R3HDM1: variants seen among roughly 807,000 people sequenced by gnomAD.
R3HDM1 encodes R3H domain-containing protein 1.
A neutral mutation model predicts 141.1 loss-of-function variants in R3HDM1; 46 were observed. The observed-to-expected ratio is 0.33, with a 90% CI of 0.26 to 0.42. The LOEUF (loss-of-function observed/expected upper bound fraction) is 0.42. Ranked by LOEUF, R3HDM1 falls within the 10% of genes least tolerant of loss-of-function variation. R3HDM1 has a pLI of 1.00. For synonymous variants in R3HDM1, 435 were observed against 472.9 expected, an observed-to-expected ratio of 0.92 and a Z score of 1.04; for missense variants, 1,184 against 1,368.3, an observed-to-expected ratio of 0.87 and a Z score of 2.12.
At chr2:135,589,426 G>A (rs1341168138) in intron 1 of R3HDM1, among the ~76,000 whole-genome samples, 2 of 152,152 alleles carry the variant, frequency 1.3e-5, no homozygotes, top group East Asian at 3.8e-4. Context: ...CCCTCTGGTT[G>A]TAGGGGACAA....
chr2:135,559,960 A>G (rs1701491585), intron 1 of R3HDM1, among the ~76,000 whole-genome samples: 3 of 152,246 alleles, frequency 2.0e-5, no homozygotes, highest in Admixed American at 6.5e-5. Flanking sequence ...TTTCACTATC[A>G]TCATGTATAA....
intron 19 of R3HDM1, among the ~76,000 whole-genome samples, chr2:135,663,197 G>A (rs2066983239): frequency 6.6e-6 from 1 of 151,584 alleles, no homozygotes; most frequent in African/African-American, 2.4e-5. Flanking sequence ...CCTGATTGGA[G>A]GTGAAAACAT....
chr2:135,621,160 C>A (rs1559264553), intron 5 of R3HDM1, among the ~76,000 whole-genome samples: 2 of 151,930 alleles, frequency 1.3e-5, no homozygotes, highest in Admixed American at 6.6e-5. Flanking sequence ...ATCTTCCTTG[C>A]AAAAATAAGT....
chr2:135,623,371 A>G (rs2061683046), intron 7 of R3HDM1, among the ~76,000 whole-genome samples: 1 of 152,160 alleles, frequency 6.6e-6, no homozygotes, highest in Non-Finnish European at 1.5e-5. Context: ...AGCTTTCCAG[A>G]GTAGTAGCTT....
At chr2:135,659,529 C>G (rs375365474) in intron 18 of R3HDM1, among the ~76,000 whole-genome samples, 8 of 152,092 alleles carry the variant, frequency 5.3e-5, no homozygotes, top group East Asian at 3.9e-4. Flanking sequence ...CTGTGACCTC[C>G]TGGGTTCAAG....
rs1559465401 is a variant in R3HDM1 at position 135,699,020 on chromosome 2, TAGATAGATAGATAGATAGATA to T, written c.2460-10412_2460-10392del. 2.2e-4 allele frequency among the ~76,000 whole-genome samples: 26 copies of T among 119,032 alleles called. No individual in the cohort carries two copies. In the East Asian group the frequency reaches 5.1e-3, roughly 23 times the overall value. The allele number at this position is 119,032 out of a possible 152,430, so 78.1% of individuals were successfully genotyped here. A position where few individuals can be genotyped will look rare whatever the true frequency, so the allele number is the denominator to read the frequency against. On this transcript the variant is annotated intron_variant, in intron 21 of 26. Transcript: ENST00000683871. The stretch of plus-strand genomic sequence containing the variant: ...ATAGATAGATAGATAGATAGATAGA[TAGATAGATAGATAGATAGATA>T]GATAAGATAGATAAGATAGATTGAT...
At chr2:135,639,604 C>T (rs925482569) in intron 14 of R3HDM1, among the ~76,000 whole-genome samples, 1 of 152,050 alleles carries the variant, frequency 6.6e-6, no homozygotes, top group African/African-American at 2.4e-5. Context: ...ATTTAAAAAA[C>T]AAAAACAAGT....
intron 2 of R3HDM1, among the ~76,000 whole-genome samples, chr2:135,603,044 C>G (rs889755947): frequency 6.6e-6 from 1 of 151,990 alleles, no homozygotes; most frequent in African/African-American, 2.4e-5. Context: ...TGCAGTGGCG[C>G]GATCTTGGCT....
intron 5 of R3HDM1, chr2:135,620,678 A>T: frequency 1.1e-6 from 1 of 947,232 alleles, no homozygotes; most frequent in Non-Finnish European, 1.3e-6. Flanking sequence ...ATCTTTAGTA[A>T]AACTGGTGTA....
At chr2:135,621,096 G>T (rs1053928371) in intron 5 of R3HDM1, among the ~76,000 whole-genome samples, 3 of 151,938 alleles carry the variant, frequency 2.0e-5, no homozygotes, top group Non-Finnish European at 4.4e-5. Flanking sequence ...TCATTGACTT[G>T]ACACTTATAC....
intron 24 of R3HDM1, among the ~76,000 whole-genome samples, chr2:135,716,086 G>A (rs1418124825): frequency 6.6e-6 from 1 of 152,194 alleles, no homozygotes; most frequent in East Asian, 1.9e-4. Flanking sequence ...CAGCACTTTG[G>A]GAGGCCAATG....
chr2:135,532,129 C>T (rs1574295526), intron 1 of R3HDM1, among the ~76,000 whole-genome samples: 1 of 152,240 alleles, frequency 6.6e-6, no homozygotes, highest in African/African-American at 2.4e-5. Context: ...CGGGCTCCCC[C>T]GGCCGCCCCA....
At chr2:135,556,870 A>C (rs1178078196) in intron 1 of R3HDM1, among the ~76,000 whole-genome samples, 1 of 152,116 alleles carries the variant, frequency 6.6e-6, no homozygotes, top group Non-Finnish European at 1.5e-5. Flanking sequence ...GAAAAAAAAA[A>C]CTATTAAAAT....
In R3HDM1 at chr2:135,651,828, G is replaced by C; in HGVS notation, c.1824G>C (p.Val608=). The C allele has an allele frequency of 6.2e-7, 1 of 1,614,058 alleles. No individual in the cohort carries two copies. Among genetic ancestry groups the C allele is most frequent in the South Asian group, 1.1e-5 (1 of 91,078 alleles). Residue 608 remains valine (V), a synonymous_variant, in exon 18 of 27, where the codon GTG becomes GTC. Coordinates refer to ENST00000683871, the MANE Select transcript of R3HDM1 (RefSeq NM_001378107.1). ...DPHAAMFQST[V]VLQSPQQSGY... ...ATGCCGCCATGTTCCAGTCCACTGTGGTTCTTCAGTCTCCACAGCAGTCTG... is the reference window on the plus strand; with the variant it reads ...ATGCCGCCATGTTCCAGTCCACTGTCGTTCTTCAGTCTCCACAGCAGTCTG...
chr2:135,555,335 C>G (rs564185662), intron 1 of R3HDM1, among the ~76,000 whole-genome samples: 24 of 151,768 alleles, frequency 1.6e-4, no homozygotes, highest in Admixed American at 7.2e-4. Context: ...GTCATCTGTC[C>G]TGACGGAAAT....
At chr2:135,599,566 T>C (rs2059455834) in intron 1 of R3HDM1, among the ~76,000 whole-genome samples, 1 of 152,208 alleles carries the variant, frequency 6.6e-6, no homozygotes, top group Non-Finnish European at 1.5e-5. Flanking sequence ...CATGTCTATC[T>C]TGTAGCTTTC....
At chr2:135,705,043 T>A (rs566564282) in intron 21 of R3HDM1, among the ~76,000 whole-genome samples, 1 of 152,338 alleles carries the variant, frequency 6.6e-6, no homozygotes, top group East Asian at 1.9e-4. Flanking sequence ...AGGTCCATGG[T>A]ACATTTTGCC....
chr2:135,723,311 C>T (rs1286232690), intron 26 of R3HDM1, among the ~76,000 whole-genome samples: 4 of 151,374 alleles, frequency 2.6e-5, no homozygotes, highest in East Asian at 2.0e-4. Flanking sequence ...TTAGTAGAGA[C>T]GGGGTTTCAC....
At chr2:135,532,111 C>T (rs1348690381) in intron 1 of R3HDM1, among the ~76,000 whole-genome samples, 4 of 152,238 alleles carry the variant, frequency 2.6e-5, no homozygotes, top group Non-Finnish European at 5.9e-5. Context: ...TGGCTGGCGC[C>T]GGTGCCCCGG....
Sources: allele counts gnomAD v4.1 joint callset (sites outside exome capture counted in the v4.1 genomes callset), GRCh38; gene constraint gnomAD v4.1.1; transcripts MANE v1.5; gene names NCBI Gene and HGNC (gene_info 2026-07-23, HGNC 2026-07-21).